The following ANKRD62 variants were observed in gnomAD, a reference collection of about 807,000 sequenced individuals.
The protein encoded by ANKRD62 is ankyrin repeat domain-containing protein 62.
In ANKRD62, 61 loss-of-function variants were observed where a neutral mutation model predicts 98.8. That is an observed-to-expected ratio of 0.62 (90% confidence interval 0.50 to 0.76). ANKRD62 has a LOEUF of 0.76. Among genes scored for constraint, ANKRD62 ranks in the 30% least tolerant of loss-of-function variants. ANKRD62 has a pLI of 0.00. For synonymous variants in ANKRD62, 341 were observed against 367.9 expected (o/e 0.93, Z 0.84); for missense variants, 933 against 1,082.9 (o/e 0.86, Z 1.94).
At chr18:12,130,637 G>A (rs1230063336), downstream of ANKRD62, among the ~76,000 whole-genome samples, 1 of 151,748 alleles carries the variant, frequency 6.6e-6, no homozygotes, top group African/African-American at 2.4e-5. Context: ...TATACCTTAT[G>A]CATATAGCCT....
chr18:12,101,730 C>T (rs1013742981), intron 6 of ANKRD62, among the ~76,000 whole-genome samples: 5 of 152,186 alleles, frequency 3.3e-5, no homozygotes, highest in African/African-American at 1.2e-4. Flanking sequence ...TTTAGTTATA[C>T]TGTGACTCTT....
chr18:12,163,280 CT>C, the ANKRD62 span, among the ~76,000 whole-genome samples: 2 of 151,730 alleles, frequency 1.3e-5, no homozygotes, highest in Non-Finnish European at 2.9e-5. Flanking sequence ...ATGAGATTAC[CT>C]TTTTGGTTTC....
chr18:12,170,115 G>C, the ANKRD62 span, among the ~76,000 whole-genome samples: 3 of 152,056 alleles, frequency 2.0e-5, no homozygotes, highest in African/African-American at 4.8e-5. Flanking sequence ...AGGGTTTTTT[G>C]TATCTCTATC....
intron 13 of ANKRD62, among the ~76,000 whole-genome samples, chr18:12,126,721 T>C (rs1909900952): frequency 6.6e-6 from 1 of 152,230 alleles, no homozygotes; most frequent in Admixed American, 6.5e-5. Context: ...ATAAAGCAGA[T>C]ATAAAGAAAT....
chr18:12,139,572 G>C, the ANKRD62 span, among the ~76,000 whole-genome samples: 2 of 152,034 alleles, frequency 1.3e-5, no homozygotes, highest in Admixed American at 1.3e-4. Flanking sequence ...TGTGAACCCG[G>C]GAGGCAGAGC....
At chr18:12,118,479 G>A (rs1026793505) in intron 10 of ANKRD62, among the ~76,000 whole-genome samples, 3 of 151,828 alleles carry the variant, frequency 2.0e-5, no homozygotes, top group Non-Finnish European at 4.4e-5. Flanking sequence ...TGTGGTGGCG[G>A]GCGCCTGTAA....
chr18:12,176,035 T>C, the ANKRD62 span, among the ~76,000 whole-genome samples: 84 of 151,276 alleles, frequency 5.6e-4, 1 homozygote, highest in Non-Finnish European at 8.4e-4. Flanking sequence ...CTACTAAAAA[T>C]AGAAAAATTG....
the ANKRD62 span, among the ~76,000 whole-genome samples, chr18:12,163,582 G>A: frequency 6.6e-6 from 1 of 152,128 alleles, no homozygotes; most frequent in East Asian, 1.9e-4. Flanking sequence ...TCTCTGCCAT[G>A]TTCCACATCT....
chr18:12,115,701 A>G (rs142378589), intron 10 of ANKRD62, among the ~76,000 whole-genome samples, 167 bp downstream of exon 10: 1 of 152,138 alleles, frequency 6.6e-6, no homozygotes, highest in East Asian at 1.9e-4. Context: ...GTATACTCTT[A>G]GCCAAAGAGC....
At chr18:12,178,386 C>T in the ANKRD62 span, among the ~76,000 whole-genome samples, 67 of 146,526 alleles carry the variant, frequency 4.6e-4, 3 homozygotes, top group African/African-American at 1.7e-3. Flanking sequence ...ACACGGGAGG[C>T]CAGACAGTAT....
intron 10 of ANKRD62, among the ~76,000 whole-genome samples, chr18:12,117,946 G>A (rs1909700303): frequency 6.6e-6 from 1 of 152,158 alleles, no homozygotes. Flanking sequence ...CAGCAAAATT[G>A]AGAGGAAGGT....
At chr18:12,116,734 C>G (rs1011171921) in intron 10 of ANKRD62, among the ~76,000 whole-genome samples, 3 of 152,146 alleles carry the variant, frequency 2.0e-5, no homozygotes, top group African/African-American at 7.2e-5. Flanking sequence ...ACTTTAGAAT[C>G]AGCTTGTCAA....
the ANKRD62 span, among the ~76,000 whole-genome samples, chr18:12,181,308 A>T: frequency 6.6e-6 from 1 of 152,232 alleles, no homozygotes; most frequent in Non-Finnish European, 1.5e-5. Context: ...ATTAGCCACC[A>T]TAAGAGGTTA....
intron 10 of ANKRD62, among the ~76,000 whole-genome samples, chr18:12,119,256 G>T (rs780325158): frequency 4.7e-5 from 7 of 149,822 alleles, no homozygotes; most frequent in Non-Finnish European, 1.0e-4. Context: ...TTAGTAATTT[G>T]TATTTTCTCT....
At position 12,095,600 on chromosome 18, in the gene ANKRD62, C is replaced by G. The variant is rs1377443721; in HGVS notation, c.497C>G (p.Ala166Gly). 5 of 1,517,558 alleles carry G rather than the reference C, an allele frequency of 3.3e-6. No homozygotes were observed. Among genetic ancestry groups the G allele is most frequent in the Non-Finnish European group, 4.4e-6 (5 of 1,136,972 alleles). 94.0% of individuals were successfully genotyped at this position (1,517,558 alleles called of 1,614,324 possible). A position where few individuals can be genotyped will look rare whatever the true frequency, so the allele number is the denominator to read the frequency against. Reference protein sequence around the residue: ...KLLAYGADIEARSQDGHTSLL... With the variant: ...KLLAYGADIEGRSQDGHTSLL... ...CTTGCATATGGTGCAGATATTGAAG[C>G]AAGAAGCCAGGTATGATCAACCAAT... is the stretch of plus-strand genomic sequence containing the variant. The change falls in exon 3 of 14, where the codon GCA (alanine) becomes GGA (glycine). Residue 166 changes from alanine to glycine, a missense_variant. Around this residue, in one of 3 missense-constraint regions of ANKRD62, gnomAD observed 549 missense variants for 587.9 expected, o/e 0.93. Transcript: ENST00000587848.
At chr18:12,119,050 C>G (rs1909728958) in intron 10 of ANKRD62, among the ~76,000 whole-genome samples, 2 of 152,138 alleles carry the variant, frequency 1.3e-5, no homozygotes, top group African/African-American at 4.8e-5. Context: ...TCAGCTATGA[C>G]TGAAGTTTAT....
the ANKRD62 span, among the ~76,000 whole-genome samples, chr18:12,159,604 C>G: frequency 6.6e-6 from 1 of 152,144 alleles, no homozygotes; most frequent in Non-Finnish European, 1.5e-5. Flanking sequence ...TGTTTGGTAG[C>G]AGTTGCCTGG....
intron 5 of ANKRD62, among the ~76,000 whole-genome samples, chr18:12,097,988 A>T (rs1407937955): frequency 6.6e-6 from 1 of 152,202 alleles, no homozygotes; most frequent in Non-Finnish European, 1.5e-5. Flanking sequence ...AAGTCTCTTA[A>T]GACTTCTATG....
chr18:12,138,180 T>C, the ANKRD62 span, among the ~76,000 whole-genome samples: 1 of 152,152 alleles, frequency 6.6e-6, no homozygotes, highest in African/African-American at 2.4e-5. Context: ...CTTGTGGGCA[T>C]TTAGTGCTAT....
Sources: allele counts gnomAD v4.1 joint callset (sites outside exome capture counted in the v4.1 genomes callset), GRCh38; gene constraint gnomAD v4.1.1; regional missense constraint gnomAD v4.1.1; transcripts MANE v1.5; gene names NCBI Gene and HGNC (gene_info 2026-07-23, HGNC 2026-07-21).